Variants in KBTBD2 observed in about 807,000 individuals in gnomAD.
KBTBD2 encodes kelch repeat and BTB domain containing 2.
Under a neutral mutation model 57.1 loss-of-function variants are expected in KBTBD2, and 17 were observed. The ratio of observed to expected loss-of-function variants is 0.30; its 90% confidence interval spans 0.20 to 0.45. KBTBD2 has a LOEUF of 0.45. KBTBD2 is among the 20% of genes least tolerant of loss of function. The probability of loss-of-function intolerance (pLI) is 1.00; values close to 1 mark genes in which losing one functional copy is unlikely to be tolerated. For missense variants in KBTBD2, 515 were observed against 750.6 expected (o/e 0.69, Z 3.67); for synonymous variants, 267 against 262.7 (o/e 1.02, Z -0.16).
At chr7:32,879,281 GTC>G (rs1278144515) in intron 2 of KBTBD2, among the ~76,000 whole-genome samples, 152 bp downstream of exon 2, 8 of 152,034 alleles carry the variant, frequency 5.3e-5, no homozygotes, top group African/African-American at 1.5e-4. Context: ...TCTTTCATGT[GTC>G]TCTTACACAT....
chr7:32,875,793 A>G (rs1292259139), intron 2 of KBTBD2, among the ~76,000 whole-genome samples: 1 of 152,198 alleles, frequency 6.6e-6, no homozygotes, highest in Non-Finnish European at 1.5e-5. Flanking sequence ...GCCACACACA[A>G]AAAACCACAT....
At chr7:32,875,807 A>AC (rs1784300183) in intron 2 of KBTBD2, among the ~76,000 whole-genome samples, 1 of 152,204 alleles carries the variant, frequency 6.6e-6, no homozygotes, top group South Asian at 2.1e-4. Context: ...ACCACATAGT[A>AC]TATGAGTCCG....
chr7:32,888,392 G>A (rs1284781707), intron 1 of KBTBD2, among the ~76,000 whole-genome samples: 1 of 151,974 alleles, frequency 6.6e-6, no homozygotes, highest in Non-Finnish European at 1.5e-5. Context: ...TTCTCCTTAG[G>A]AAGGACAAGA....
chr7:32,888,530 C>T (rs1410675664), intron 1 of KBTBD2, among the ~76,000 whole-genome samples: 2 of 151,608 alleles, frequency 1.3e-5, no homozygotes, highest in Non-Finnish European at 2.9e-5. Context: ...GGAGTTGTGA[C>T]AGGCATCAAT....
chr7:32,873,920 A>G (rs1416012540), intron 3 of KBTBD2, among the ~76,000 whole-genome samples: 1 of 152,196 alleles, frequency 6.6e-6, no homozygotes, highest in African/African-American at 2.4e-5. Flanking sequence ...GTAAAAAGAA[A>G]AAAACCTTTT....
chr7:32,877,232 T>C (rs1583779978), intron 2 of KBTBD2, among the ~76,000 whole-genome samples: 1 of 152,036 alleles, frequency 6.6e-6, no homozygotes, highest in Non-Finnish European at 1.5e-5. Flanking sequence ...TTAGCCAGGA[T>C]GGTTTCAATC....
At position 32,869,460 on chromosome 7, in the gene KBTBD2, A is replaced by T; in HGVS notation, c.1757T>A (p.Leu586His). 1 of 1,614,112 alleles carries T rather than the reference A, an allele frequency of 6.2e-7. No individual in the cohort carries two copies. The highest frequency in any genetic ancestry group is 8.5e-7 in the Non-Finnish European group (1 of 1,179,956). Residue 586 changes from leucine (L) to histidine (H), a missense_variant, in exon 4 of 4, where the codon CTC becomes CAC. Leu to His is a moderately conservative substitution (Grantham distance 99, BLOSUM62 -3). Coordinates refer to ENST00000304056, the MANE Select transcript of KBTBD2 (RefSeq NM_015483.3). The stretch of plus-strand genomic sequence containing the variant: ...AGACTCTTCAAGGCAGGATGGATAG[A>T]GTTTCCCCACAGTGCATCGAAAATC... Reference protein sequence around the residue: ...GRDFRCTVGKLYPSCLEESPW... With the variant: ...GRDFRCTVGKHYPSCLEESPW...
rs779255249 is a variant in KBTBD2 at position 32,869,569 on chromosome 7, C to T, written c.1648G>A (p.Val550Ile). ...ETHLNERAKY[V>I]TYQYDLELDR... Reference sequence around the variant, plus strand: ...AGTTCCAGGTCATATTGGTAGGTGACGTATTTAGCTCGCTCATTTAAGTGG... The same window carrying T: ...AGTTCCAGGTCATATTGGTAGGTGATGTATTTAGCTCGCTCATTTAAGTGG... The change falls in exon 4 of 4, where the codon GTC (valine) becomes ATC (isoleucine). Residue 550 changes from valine to isoleucine, a missense_variant. By Grantham distance (29) the Val-to-Ile change is conservative. Transcript: ENST00000304056. 5 of 1,613,986 alleles carry T rather than the reference C, an allele frequency of 3.1e-6. No individual in the cohort carries two copies. Among genetic ancestry groups the T allele is most frequent in the Non-Finnish European group, 4.2e-6 (5 of 1,180,020 alleles).
intron 1 of KBTBD2, among the ~76,000 whole-genome samples, chr7:32,884,056 T>C (rs970383340): frequency 2.0e-5 from 3 of 152,216 alleles, no homozygotes; most frequent in African/African-American, 7.2e-5. Context: ...ATTTTACTCT[T>C]TACCGTAAGA....
rs1229818886 is a variant in KBTBD2, at chr7:32,889,237, G to GCCAAGAT, written c.-339+2292_-339+2298dup. On this transcript the variant is annotated intron_variant, in intron 1 of 3. Coordinates refer to ENST00000304056, the MANE Select transcript of KBTBD2 (RefSeq NM_015483.3). ...ACCCGGGAGGCGGAGCTTGCAGTGA[G>GCCAAGAT]CCAAGATCGCGCCACCGCACTCCAG... is the stretch of plus-strand genomic sequence containing the variant. Among the ~76,000 whole-genome samples, 4 of 151,706 alleles carry GCCAAGAT rather than the reference G, an allele frequency of 2.6e-5. No homozygotes were observed. In the East Asian group the frequency reaches 7.8e-4, roughly 30 times the overall value.
Position 32,869,316 on chromosome 7 carries a change from C to G in KBTBD2, c.*29G>C, listed in dbSNP as rs774587799. On this transcript the variant is annotated 3_prime_UTR_variant, in exon 4 of 4. Transcript: ENST00000304056. ...GCAAAGAAAATGACAAAGCACATAACTCAGGCGTGCACTCCCTGAACTTCC... is the reference window on the plus strand; with the variant it reads ...GCAAAGAAAATGACAAAGCACATAAGTCAGGCGTGCACTCCCTGAACTTCC... 6.8e-7 allele frequency: 1 copy of G among 1,466,998 alleles called. No homozygotes were observed. The highest frequency in any genetic ancestry group is 1.3e-5 in the South Asian group (1 of 78,302). 90.9% of individuals were successfully genotyped at this position (1,466,998 alleles called of 1,614,324 possible). A position where few individuals can be genotyped will look rare whatever the true frequency, so the allele number is the denominator to read the frequency against.
intron 1 of KBTBD2, among the ~76,000 whole-genome samples, chr7:32,889,585 G>A (rs1784677716): frequency 7.4e-6 from 1 of 135,910 alleles, no homozygotes; most frequent in Admixed American, 7.0e-5. Flanking sequence ...TGAGTGACAA[G>A]AGACTCTGTC....
rs1784406808 is a variant in KBTBD2, at chr7:32,879,932, C to T, written c.-328G>A. 4.5e-6 allele frequency: 1 copy of T among 220,512 alleles called. No homozygotes were observed. The highest frequency in any genetic ancestry group is 9.0e-5 in the South Asian group (1 of 11,094). 13.7% of individuals were successfully genotyped at this position (220,512 alleles called of 1,614,324 possible). ...GGCAACATCCTATGTTCAGCGGATC[C>T]TGTGGAGTAACTAAAAAGAAAAAAA... On this transcript the variant is annotated 5_prime_UTR_variant, in exon 2 of 4. Transcript: ENST00000304056.
intron 3 of KBTBD2, chr7:32,874,731 C>T (rs1415356385): frequency 1.7e-5 from 5 of 292,586 alleles, no homozygotes; most frequent in South Asian, 6.4e-5. Context: ...CAGTGGCTCA[C>T]GCGTGTAATC....
rs559390364 is a variant in KBTBD2 at position 32,879,987 on chromosome 7, T to C, written c.-338-45A>G. 2.2e-4 allele frequency: 34 copies of C among 157,768 alleles called. No homozygotes were observed. In the South Asian group the frequency reaches 6.2e-3, roughly 29 times the overall value. 9.8% of individuals were successfully genotyped at this position (157,768 alleles called of 1,614,324 possible). The stretch of plus-strand genomic sequence containing the variant: ...AGTTGTAGTATCTAGGCCAGTACGG[T>C]TTTAGAATATAACGTTTAAAATGGC... On this transcript the variant is annotated intron_variant, in intron 1 of 3. Coordinates refer to ENST00000304056, the MANE Select transcript of KBTBD2 (RefSeq NM_015483.3).
At chr7:32,883,444 T>G (rs2127955073) in intron 1 of KBTBD2, among the ~76,000 whole-genome samples, 1 of 152,236 alleles carries the variant, frequency 6.6e-6, no homozygotes, top group Middle Eastern at 3.4e-3. Flanking sequence ...CAACCAACCA[T>G]CTTCAAATGC....
chr7:32,886,109 C>G (rs1784575375), intron 1 of KBTBD2, among the ~76,000 whole-genome samples: 1 of 151,932 alleles, frequency 6.6e-6, no homozygotes, highest in Non-Finnish European at 1.5e-5. Context: ...GGGGTTTCAC[C>G]ACGTTGGCCA....
intron 2 of KBTBD2, among the ~76,000 whole-genome samples, chr7:32,875,652 G>A (rs1784295261): frequency 6.6e-6 from 1 of 152,076 alleles, no homozygotes. Flanking sequence ...GCCATTTTGA[G>A]TGAAAATCTC....
intron 1 of KBTBD2, among the ~76,000 whole-genome samples, chr7:32,887,329 T>A (rs1784604763): frequency 1.3e-5 from 2 of 152,170 alleles, no homozygotes; most frequent in South Asian, 4.1e-4. Context: ...ACACAGCATG[T>A]TGATGATCGC....
Sources: gnomAD v4.1 joint callset for allele counts (sites outside exome capture counted in the v4.1 genomes callset) on GRCh38, gnomAD v4.1.1 for gene constraint, MANE v1.5 for transcripts, NCBI Gene and HGNC (gene_info 2026-07-23, HGNC 2026-07-21) for gene names.